The following TANGO6 variants were observed in gnomAD, a reference collection of about 807,000 sequenced individuals.
The protein encoded by TANGO6 is transport and Golgi organization protein 6 homolog.
TANGO6 carries 90 observed loss-of-function variants against 114.2 expected under a neutral mutation model. The ratio of observed to expected loss-of-function variants is 0.79; its 90% confidence interval spans 0.66 to 0.94. The LOEUF is 0.94. Among genes scored for constraint, TANGO6 ranks in the 40% least tolerant of loss-of-function variants. The probability of loss-of-function intolerance (pLI) is 0.00; values close to 1 mark genes in which losing one functional copy is unlikely to be tolerated. For missense variants in TANGO6, 1,274 were observed against 1,315.3 expected, an observed-to-expected ratio of 0.97 and a Z score of 0.49; for synonymous variants, 477 against 509.8, an observed-to-expected ratio of 0.94 and a Z score of 0.87.
chr16:69,074,049 A>G (rs531237674), intron 17 of TANGO6, among the ~76,000 whole-genome samples: 53 of 152,002 alleles, frequency 3.5e-4, no homozygotes, highest in Non-Finnish European at 6.8e-4. Context: ...GCTCCCTGAG[A>G]AAGCCCAGGA....
intron 2 of TANGO6, among the ~76,000 whole-genome samples, chr16:68,861,527 C>G (rs570736908): frequency 7.2e-5 from 11 of 152,306 alleles, no homozygotes; most frequent in African/African-American, 2.2e-4. Flanking sequence ...CGTATTGACA[C>G]TTCTAGCAGC....
At chr16:69,015,196 G>T (rs1959272523) in intron 15 of TANGO6, among the ~76,000 whole-genome samples, 1 of 152,178 alleles carries the variant, frequency 6.6e-6, no homozygotes, top group South Asian at 2.1e-4. Context: ...GTATGTGACA[G>T]ATCTAGGCTA....
chr16:68,945,161 A>G (rs1171212390), intron 14 of TANGO6, among the ~76,000 whole-genome samples: 3 of 152,242 alleles, frequency 2.0e-5, no homozygotes, highest in East Asian at 3.9e-4. Context: ...AAGAAGAAGA[A>G]GAGGAAGAAG....
intron 7 of TANGO6, among the ~76,000 whole-genome samples, chr16:68,881,796 A>G (rs1198835852): frequency 1.3e-5 from 2 of 152,214 alleles, no homozygotes; most frequent in East Asian, 3.8e-4. Flanking sequence ...ATGCTTTTGG[A>G]AAGCAAATGA....
intron 12 of TANGO6, among the ~76,000 whole-genome samples, chr16:68,921,715 G>T (rs1042375096): frequency 7.1e-6 from 1 of 140,332 alleles, no homozygotes; most frequent in African/African-American, 2.7e-5. Flanking sequence ...CTTTCTAGAA[G>T]CCCATTGTTG....
intron 17 of TANGO6, among the ~76,000 whole-genome samples, chr16:69,067,096 T>C (rs1311884838): frequency 6.6e-6 from 1 of 152,198 alleles, no homozygotes; most frequent in Non-Finnish European, 1.5e-5. Context: ...AGGGTCTTGC[T>C]GTGTTGCTCA....
At chr16:68,865,093 T>C (rs1052125053) in intron 3 of TANGO6, among the ~76,000 whole-genome samples, 1 of 151,684 alleles carries the variant, frequency 6.6e-6, no homozygotes, top group African/African-American at 2.4e-5. Flanking sequence ...CTGGCCAAGA[T>C]GGTGAAACCC....
At chr16:69,076,527 G>A (rs1406886722) in intron 17 of TANGO6, among the ~76,000 whole-genome samples, 2 of 152,178 alleles carry the variant, frequency 1.3e-5, no homozygotes, top group East Asian at 1.9e-4. Context: ...GCTAAAACAA[G>A]GAAGTGAATG....
intron 17 of TANGO6, among the ~76,000 whole-genome samples, chr16:69,049,875 C>T (rs908917398): frequency 6.6e-6 from 1 of 152,054 alleles, no homozygotes. Flanking sequence ...GCCACCACAC[C>T]CTGCCTGGCT....
At chr16:68,857,415 A>C (rs80082297) in intron 1 of TANGO6, among the ~76,000 whole-genome samples, 22,040 of 151,776 alleles carry the variant, frequency 0.15, 1,522 homozygotes, top group East Asian at 0.16. Flanking sequence ...CTAAAAAAAA[A>C]TCCTTTCACC....
intron 15 of TANGO6, among the ~76,000 whole-genome samples, chr16:69,012,556 C>CAAAAAAAAAAAAAAAAA (rs1175561720): frequency 5.5e-5 from 2 of 36,476 alleles, no homozygotes; most frequent in Admixed American, 3.7e-4. Context: ...AACTCTGTCT[C>CAAAAAAAAAAAAAAAAA]AAAAAAAAAA....
Position 68,860,137 on chromosome 16 carries a change from C to A in TANGO6, c.348C>A (p.Phe116Leu). ...KETMIRLAAN[F>L]NPGKPNPRTP... ...CCATGATCCGCCTTGCAGCTAATTTCAATCCAGGTAAACCCAACCCTAGGA... is the reference window on the plus strand; with the variant it reads ...CCATGATCCGCCTTGCAGCTAATTTAAATCCAGGTAAACCCAACCCTAGGA... The change falls in exon 2 of 18, where the codon TTC becomes TTA. Residue 116 changes from phenylalanine to leucine, a missense_variant. Coordinates refer to ENST00000261778, the MANE Select transcript of TANGO6 (RefSeq NM_024562.2). 6.2e-7 allele frequency: 1 copy of A among 1,614,030 alleles called. No homozygotes were observed. The highest frequency in any genetic ancestry group is 8.5e-7 in the Non-Finnish European group (1 of 1,179,900).
intron 14 of TANGO6, chr16:68,937,294 A>G (rs1963309355): frequency 6.6e-6 from 1 of 152,244 alleles, no homozygotes; most frequent in Admixed American, 6.5e-5. Flanking sequence ...CACTTACTTA[A>G]CAAATAAGCA....
intron 14 of TANGO6, among the ~76,000 whole-genome samples, chr16:68,952,895 CT>C (rs1007829080): frequency 4.1e-4 from 63 of 151,998 alleles, no homozygotes; most frequent in African/African-American, 1.4e-3. Context: ...TTTAGAATCA[CT>C]TTTGTACTTT....
chr16:69,059,618 C>G (rs961069700), intron 17 of TANGO6, among the ~76,000 whole-genome samples: 2 of 152,046 alleles, frequency 1.3e-5, no homozygotes, highest in African/African-American at 4.8e-5. Context: ...CTCCCGGGTT[C>G]AAATGATTCT....
At chr16:68,847,227 A>G (rs1445888347) in intron 1 of TANGO6, among the ~76,000 whole-genome samples, 1 of 152,130 alleles carries the variant, frequency 6.6e-6, no homozygotes, top group Non-Finnish European at 1.5e-5. Flanking sequence ...GCAATATGAA[A>G]TCAGAACTCA....
At chr16:69,031,245 C>G (rs915205868) in intron 16 of TANGO6, among the ~76,000 whole-genome samples, 1 of 151,946 alleles carries the variant, frequency 6.6e-6, no homozygotes, top group Non-Finnish European at 1.5e-5. Context: ...AAATTGTGAG[C>G]ACAACAAGGG....
chr16:69,031,098 T>A (rs1308575680), intron 16 of TANGO6, among the ~76,000 whole-genome samples: 1 of 152,018 alleles, frequency 6.6e-6, no homozygotes, highest in South Asian at 2.1e-4. Flanking sequence ...AAAAATTTTT[T>A]TTAAAAAAAC....
intron 7 of TANGO6, chr16:68,900,187 A>G (rs1962763269): frequency 4.6e-6 from 2 of 437,706 alleles, no homozygotes; most frequent in Non-Finnish European, 8.0e-6. Flanking sequence ...TAGTTGACCT[A>G]TTCTGGGCAG....
Sources: allele counts gnomAD v4.1 joint callset (sites outside exome capture counted in the v4.1 genomes callset), GRCh38; gene constraint gnomAD v4.1.1; transcripts MANE v1.5; gene names NCBI Gene and HGNC (gene_info 2026-07-23, HGNC 2026-07-21).